The following CHIC1 variants were observed in gnomAD, a reference collection of about 807,000 sequenced individuals.
The protein encoded by CHIC1 is cysteine rich hydrophobic domain 1.
Under a neutral mutation model 18.5 loss-of-function variants are expected in CHIC1, and 7 were observed. The ratio of observed to expected loss-of-function variants is 0.38; its 90% confidence interval spans 0.22 to 0.71. The LOEUF (loss-of-function observed/expected upper bound fraction) is 0.71. Among genes scored for constraint, CHIC1 ranks in the 30% least tolerant of loss-of-function variants. The pLI is 0.49. For missense variants in CHIC1, 159 were observed against 176.9 expected (o/e 0.90, Z 0.57); for synonymous variants, 77 against 73.5 (o/e 1.05, Z -0.25).
At chrX:73,584,599 A>G (rs2057544447) in intron 3 of CHIC1, 27 bp downstream of exon 3, 1 of 1,060,815 alleles carries the variant, frequency 9.4e-7, no homozygotes, top group Admixed American at 2.8e-5. Flanking sequence ...TTGTATAATA[A>G]TAATAATAAC....
At chrX:73,626,716 T>G (rs1348145644) in intron 3 of CHIC1, among the ~76,000 whole-genome samples, 1 of 111,352 alleles carries the variant, frequency 9.0e-6, no homozygotes, top group African/African-American at 3.3e-5. Flanking sequence ...TATCTTGAAT[T>G]TCTTTGAGTT....
intron 3 of CHIC1, among the ~76,000 whole-genome samples, chrX:73,643,890 T>G (rs1205907634): frequency 8.0e-5 from 9 of 112,376 alleles, no homozygotes; most frequent in Admixed American, 5.7e-4. Flanking sequence ...TCTCCGTCCA[T>G]CTTTGTTCCG....
chrX:73,663,004 A>G (rs927842451), intron 3 of CHIC1, among the ~76,000 whole-genome samples: 1 of 111,766 alleles, frequency 8.9e-6, no homozygotes, highest in African/African-American at 3.3e-5. Context: ...TTCATTATTG[A>G]TAGCTGGTAT....
intron 3 of CHIC1, among the ~76,000 whole-genome samples, chrX:73,632,655 T>A (rs2057812570): frequency 9.0e-6 from 1 of 111,266 alleles, no homozygotes; most frequent in African/African-American, 3.3e-5. Flanking sequence ...TTTTTCCTTT[T>A]TATGTTATGT....
chrX:73,626,569 C>T lies in CHIC1; in HGVS notation c.507+41997C>T, dbSNP rs989294947. Among the ~76,000 whole-genome samples the T allele has an allele frequency of 2.7e-5, 3 of 110,311 alleles. No individual in the cohort carries two copies. The Admixed American group carries it at 2.9e-4, about 11-fold the overall frequency. On this transcript the variant is annotated intron_variant, in intron 3 of 5. Coordinates refer to ENST00000373502, the MANE Select transcript of CHIC1 (RefSeq NM_001039840.4). The stretch of plus-strand genomic sequence containing the variant: ...AGTTCTTGCTTCTGCTTGATTAATT[C>T]TGCTGTTAAAAGACTCATGTATTCT...
intron 1 of CHIC1, among the ~76,000 whole-genome samples, chrX:73,571,370 T>G (rs1321871457): frequency 1.8e-5 from 2 of 111,644 alleles, no homozygotes; most frequent in African/African-American, 6.5e-5. Flanking sequence ...CATAAGAATT[T>G]ACTCTTCGTG....
At chrX:73,644,685 A>C (rs969491210) in intron 3 of CHIC1, among the ~76,000 whole-genome samples, 1 of 112,838 alleles carries the variant, frequency 8.9e-6, no homozygotes, top group African/African-American at 3.2e-5. Context: ...CCTCCAAGCC[A>C]GGTGCAGTAT....
At chrX:73,679,122 A>T (rs1210385838) in intron 3 of CHIC1, among the ~76,000 whole-genome samples, 1 of 112,146 alleles carries the variant, frequency 8.9e-6, no homozygotes, top group African/African-American at 3.2e-5. Context: ...ATTGATTGAT[A>T]GGTAGATAAT....
chrX:73,637,049 GT>G (rs773669153), intron 3 of CHIC1, among the ~76,000 whole-genome samples: 70 of 111,618 alleles, frequency 6.3e-4, no homozygotes, highest in African/African-American at 2.1e-3. Flanking sequence ...AGCATTTTTT[GT>G]AGGGCAGATC....
chrX:73,601,176 C>A (rs1419989929), intron 3 of CHIC1, among the ~76,000 whole-genome samples: 1 of 104,451 alleles, frequency 9.6e-6, no homozygotes, highest in African/African-American at 3.8e-5. Flanking sequence ...ACAAGGATAC[C>A]CAGGAATTGA....
intron 3 of CHIC1, among the ~76,000 whole-genome samples, chrX:73,658,248 G>GTTTT (rs869309622): frequency 0.03 from 510 of 16,725 alleles, 154 homozygotes; most frequent in African/African-American, 0.032. Context: ...CTGGTCCTAG[G>GTTTT]TTTTTTTTTT....
At chrX:73,640,119 A>G (rs2147599265) in intron 3 of CHIC1, among the ~76,000 whole-genome samples, 1 of 111,543 alleles carries the variant, frequency 9.0e-6, no homozygotes, top group Non-Finnish European at 1.9e-5. Flanking sequence ...TTTCCATGGG[A>G]ATGCTTCCAG....
intron 3 of CHIC1, among the ~76,000 whole-genome samples, chrX:73,658,831 A>G (rs1303824109): frequency 8.9e-6 from 1 of 111,921 alleles, no homozygotes; most frequent in Admixed American, 9.5e-5. Flanking sequence ...GGCACATTTT[A>G]TCTTCGTTCT....
chrX:73,655,066 C>T (rs755262763), intron 3 of CHIC1, among the ~76,000 whole-genome samples: 1 of 110,169 alleles, frequency 9.1e-6, no homozygotes, highest in African/African-American at 3.3e-5. Flanking sequence ...TCACCTCCCA[C>T]CCTCTGACAA....
chrX:73,656,419 A>T (rs2057949587), intron 3 of CHIC1, among the ~76,000 whole-genome samples: 2 of 110,665 alleles, frequency 1.8e-5, no homozygotes, highest in Non-Finnish European at 3.8e-5. Flanking sequence ...TCTTTTAGGG[A>T]TTTTATAGTT....
At position 73,681,914 on chromosome X, in the gene CHIC1, T is replaced by C. The variant is rs1038677329; in HGVS notation, c.*909T>C. The C allele has an allele frequency of 8.0e-5, 9 of 112,095 alleles. No individual in the cohort carries two copies. The highest frequency in any genetic ancestry group is 1.5e-4 in the Non-Finnish European group (8 of 52,957). The allele number at this position is 112,095 out of a possible 1,213,427, so 9.2% of individuals were successfully genotyped here. Reference sequence around the variant, plus strand: ...CTTCCCACAAAAAAACTATTTGACATCTGACACATTTCACAGTCTCACTAT... The same window carrying C: ...CTTCCCACAAAAAAACTATTTGACACCTGACACATTTCACAGTCTCACTAT... On this transcript the variant is annotated 3_prime_UTR_variant, in exon 6 of 6. Transcript: ENST00000373502.
chrX:73,584,636 G>A, intron 3 of CHIC1, 64 bp downstream of exon 3: 1 of 820,939 alleles, frequency 1.2e-6, no homozygotes, highest in Non-Finnish European at 1.7e-6. Flanking sequence ...CTTACTATGT[G>A]CTATGAACTC....
At chrX:73,643,063 G>A (rs2057866769) in intron 3 of CHIC1, among the ~76,000 whole-genome samples, 1 of 111,620 alleles carries the variant, frequency 9.0e-6, no homozygotes, top group African/African-American at 3.3e-5. Flanking sequence ...GGCAGGCCTG[G>A]TGGTGACAAA....
intron 3 of CHIC1, among the ~76,000 whole-genome samples, chrX:73,633,960 T>G (rs762119675): frequency 8.9e-6 from 1 of 112,257 alleles, no homozygotes; most frequent in Non-Finnish European, 1.9e-5. Context: ...TTGTGTAATT[T>G]TCTGTGTTCT....
Sources: gnomAD v4.1 joint callset for allele counts (sites outside exome capture counted in the v4.1 genomes callset) on GRCh38, gnomAD v4.1.1 for gene constraint, MANE v1.5 for transcripts, NCBI Gene and HGNC (gene_info 2026-07-23, HGNC 2026-07-21) for gene names.